The following SESTD1 variants were observed in gnomAD, a reference collection of about 807,000 sequenced individuals.
The protein encoded by SESTD1 is SEC14 and spectrin domain containing 1.
Under a neutral mutation model 101.7 loss-of-function variants are expected in SESTD1, and 43 were observed. The observed-to-expected ratio is 0.42, with a 90% CI of 0.33 to 0.55. SESTD1 has a LOEUF of 0.55. Among genes scored for constraint, SESTD1 ranks in the 20% least tolerant of loss-of-function variants. The probability of loss-of-function intolerance (pLI) is 0.07; values close to 1 mark genes in which losing one functional copy is unlikely to be tolerated. For synonymous variants in SESTD1, 283 were observed against 286.8 expected, an observed-to-expected ratio of 0.99 and a Z score of 0.13; for missense variants, 647 against 815.1, an observed-to-expected ratio of 0.79 and a Z score of 2.51.
At chr2:179,138,220 A>G (rs1352035933) in intron 9 of SESTD1, among the ~76,000 whole-genome samples, 1 of 152,152 alleles carries the variant, frequency 6.6e-6, no homozygotes, top group East Asian at 1.9e-4. Flanking sequence ...TTCCTTACCC[A>G]GTTGAGCTGG....
intron 12 of SESTD1, 145 bp from the exon 13 acceptor site, chr2:179,122,074 C>T (rs2044765838): frequency 1.2e-5 from 7 of 578,628 alleles, no homozygotes; most frequent in Middle Eastern, 3.4e-4. Context: ...AATCCCAAGA[C>T]TCCATCCTAT....
In SESTD1 at chr2:179,233,904, C is replaced by T. The variant is rs560752050; in HGVS notation, c.-26+30595G>A. On this transcript the variant is annotated intron_variant, in intron 1 of 17. Transcript: ENST00000428443. ...TGTATGCTTACCCTGGCTCTGTACA[C>T]TTGGGGGGCTCTGATGGTTAATTTC... Among the ~76,000 whole-genome samples, 3 of 152,256 alleles carry T rather than the reference C, an allele frequency of 2.0e-5. No homozygotes were observed. The East Asian group carries it at 5.8e-4, about 29-fold the overall frequency.
At position 179,132,328 on chromosome 2, in the gene SESTD1, G is replaced by C. The variant is rs200971006; in HGVS notation, c.948C>G (p.His316Gln). 1.9e-6 allele frequency: 3 copies of C among 1,556,242 alleles called. No individual in the cohort carries two copies. The highest frequency in any genetic ancestry group is 2.6e-6 in the Non-Finnish European group (3 of 1,162,986). Residue 316 changes from histidine to glutamine, a missense_variant, in exon 10 of 18, where the codon CAC becomes CAG. Physicochemically the swap from His to Gln is conservative, Grantham distance 24. This residue lies in a region of SESTD1 where 476 missense variants were observed against 562.6 expected (regional missense o/e 0.85). Coordinates refer to ENST00000428443, the MANE Select transcript of SESTD1 (RefSeq NM_178123.5). ...CACTGTGCTGGCTCTCAATCTCTTC[G>C]TGTTTCTGCTGTAGGGCCTGGGAGG... ...IRASQALQQKHEEIESQHSEW... is the reference protein window; with the variant it reads ...IRASQALQQKQEEIESQHSEW...
At chr2:179,147,538 T>C (rs774578452) in intron 7 of SESTD1, among the ~76,000 whole-genome samples, 2 of 152,040 alleles carry the variant, frequency 1.3e-5, no homozygotes, top group African/African-American at 2.4e-5. Context: ...ATGTTTGTAT[T>C]TTTAGTAGAG....
intron 9 of SESTD1, among the ~76,000 whole-genome samples, chr2:179,137,920 T>C (rs1409003311): frequency 6.6e-6 from 1 of 152,212 alleles, no homozygotes; most frequent in Non-Finnish European, 1.5e-5. Context: ...GAAAATAGTA[T>C]GATTTGTGCT....
intron 1 of SESTD1, among the ~76,000 whole-genome samples, chr2:179,261,940 T>C (rs1031934139): frequency 2.0e-5 from 3 of 152,280 alleles, no homozygotes; most frequent in Admixed American, 2.0e-4. Context: ...CAACATTATT[T>C]ATTATGGCCA....
intron 2 of SESTD1, among the ~76,000 whole-genome samples, chr2:179,185,041 A>G (rs981334660): frequency 6.6e-6 from 1 of 152,150 alleles, no homozygotes; most frequent in Non-Finnish European, 1.5e-5. Flanking sequence ...TTATAAGAGA[A>G]TAATAGTGTC....
At chr2:179,204,832 T>C (rs2046569467) in intron 1 of SESTD1, among the ~76,000 whole-genome samples, 1 of 132,866 alleles carries the variant, frequency 7.5e-6, no homozygotes, top group South Asian at 2.8e-4. Flanking sequence ...TCCTGAAAGC[T>C]AGAAACAAGA....
At chr2:179,197,297 T>A (rs932764019) in intron 1 of SESTD1, among the ~76,000 whole-genome samples, 4 of 151,476 alleles carry the variant, frequency 2.6e-5, no homozygotes, top group Admixed American at 2.6e-4. Context: ...CTCCAAGAAA[T>A]ATGGGACTAC....
intron 2 of SESTD1, among the ~76,000 whole-genome samples, chr2:179,187,194 C>T (rs1254393386): frequency 6.6e-6 from 1 of 152,140 alleles, no homozygotes; most frequent in Non-Finnish European, 1.5e-5. Flanking sequence ...CCCTATAAAG[C>T]AACTACGCAA....
chr2:179,139,472 T>C (rs2045228734), intron 9 of SESTD1, among the ~76,000 whole-genome samples: 1 of 152,230 alleles, frequency 6.6e-6, no homozygotes. Context: ...TGAACATTAA[T>C]TGTTAGGTCA....
rs1206165500 is a variant in SESTD1, at chr2:179,203,599, T to C, written c.-25-11733A>G. The stretch of plus-strand genomic sequence containing the variant: ...TGCTCCTGAGTTGTATCCTTTATAA[T>C]AGTCCAGTAATCATAAATAAATTGT... On this transcript the variant is annotated intron_variant, in intron 1 of 17. Transcript: ENST00000428443. Among the ~76,000 whole-genome samples, 3 of 134,856 alleles carry C rather than the reference T, an allele frequency of 2.2e-5. 1 individual carries two copies. Among genetic ancestry groups the C allele is most frequent in the Admixed American group, 2.2e-4 (3 of 13,834 alleles). The allele number at this position is 134,856 out of a possible 152,430, so 88.5% of individuals were successfully genotyped here.
intron 2 of SESTD1, among the ~76,000 whole-genome samples, chr2:179,189,698 G>C (rs773161605): frequency 2.6e-5 from 4 of 152,044 alleles, no homozygotes; most frequent in African/African-American, 9.7e-5. Flanking sequence ...AAGGCTTCTA[G>C]AACTGATAAA....
intron 5 of SESTD1, among the ~76,000 whole-genome samples, chr2:179,168,477 A>C (rs1198829025): frequency 1.3e-5 from 2 of 152,130 alleles, no homozygotes; most frequent in African/African-American, 4.8e-5. Flanking sequence ...TGCTGGCCCT[A>C]ACCCCTGCAT....
At chr2:179,202,887 G>C (rs1432124719) in intron 1 of SESTD1, among the ~76,000 whole-genome samples, 1 of 134,330 alleles carries the variant, frequency 7.4e-6, no homozygotes, top group African/African-American at 3.0e-5. Context: ...CCACAATCTG[G>C]GACAATGACC....
intron 16 of SESTD1, among the ~76,000 whole-genome samples, chr2:179,113,298 T>A (rs1453397999): frequency 6.6e-6 from 1 of 152,088 alleles, no homozygotes; most frequent in Non-Finnish European, 1.5e-5. Context: ...AAATGAAAAA[T>A]TATATAAATA....
chr2:179,245,280 G>A (rs1263135985), intron 1 of SESTD1, among the ~76,000 whole-genome samples: 1 of 152,080 alleles, frequency 6.6e-6, no homozygotes, highest in Non-Finnish European at 1.5e-5. Flanking sequence ...ACTTTAGGAG[G>A]CTGAGGCGGA....
chr2:179,178,041 G>T lies in SESTD1; in HGVS notation c.165-1503C>A, dbSNP rs578223520. The stretch of plus-strand genomic sequence containing the variant: ...CAGATTAGTGGTTGACAAGGGTTAG[G>T]AGGGAAGAATGGAGAGTGAGTGCCA... On this transcript the variant is annotated intron_variant, in intron 3 of 17. Transcript: ENST00000428443. Among the ~76,000 whole-genome samples, 7 of 152,282 alleles carry T rather than the reference G, an allele frequency of 4.6e-5. 1 individual carries two copies. The highest frequency in any genetic ancestry group is 2.0e-4 in the Admixed American group (3 of 15,290).
chr2:179,229,829 GA>G (rs2046956464), intron 1 of SESTD1, among the ~76,000 whole-genome samples: 1 of 130,858 alleles, frequency 7.6e-6, no homozygotes, highest in South Asian at 2.6e-4. Context: ...CCCTACTTGA[GA>G]AACACAAAAT....
Sources: gnomAD v4.1 joint callset for allele counts (sites outside exome capture counted in the v4.1 genomes callset) on GRCh38, gnomAD v4.1.1 for gene constraint, gnomAD v4.1.1 regional missense constraint, MANE v1.5 for transcripts, NCBI Gene and HGNC (gene_info 2026-07-23, HGNC 2026-07-21) for gene names.